The following CHN2 variants were observed in gnomAD, a reference collection of about 807,000 sequenced individuals.
CHN2 encodes beta-chimaerin.
CHN2 carries 35 observed loss-of-function variants against 56.3 expected under a neutral mutation model. The ratio of observed to expected loss-of-function variants is 0.62; its 90% confidence interval spans 0.47 to 0.82. CHN2 has a LOEUF of 0.82. Among genes scored for constraint, CHN2 ranks in the 40% least tolerant of loss-of-function variants. The pLI is 0.00. For missense variants in CHN2, 491 were observed against 580.5 expected (o/e 0.85, Z 1.58); for synonymous variants, 210 against 212.8 (o/e 0.99, Z 0.12).
intron 3 of CHN2, 113 bp from the exon 4 acceptor site, chr7:29,393,566 C>A (rs1217759543): frequency 1.0e-5 from 5 of 490,340 alleles, no homozygotes; most frequent in Non-Finnish European, 1.7e-5. Flanking sequence ...TTGGAGGATA[C>A]AATCTGTAAT....
intron 1 of CHN2, among the ~76,000 whole-genome samples, chr7:29,231,059 C>T (rs1786661506): frequency 6.6e-6 from 1 of 152,124 alleles, no homozygotes; most frequent in Non-Finnish European, 1.5e-5. Flanking sequence ...TTCCAGCATA[C>T]CAGACTGCAT....
intron 1 of CHN2, among the ~76,000 whole-genome samples, chr7:29,271,330 A>G (rs1790622728): frequency 6.6e-6 from 1 of 152,236 alleles, no homozygotes. Flanking sequence ...TTAGATAAAC[A>G]GGTAATGATT....
At chr7:29,394,304 T>C (rs12700959) in intron 4 of CHN2, among the ~76,000 whole-genome samples, 64,234 of 152,080 alleles carry the variant, frequency 0.42, 15,761 homozygotes, top group East Asian at 0.58. Flanking sequence ...ATAAAAATAA[T>C]TCGCAGTCTA....
At chr7:29,246,932 G>A (rs1788124807) in intron 1 of CHN2, among the ~76,000 whole-genome samples, 1 of 152,188 alleles carries the variant, frequency 6.6e-6, no homozygotes, top group African/African-American at 2.4e-5. Flanking sequence ...TACCTTGGGG[G>A]TTAGGATTTG....
intron 2 of CHN2, among the ~76,000 whole-genome samples, chr7:29,173,906 C>G (rs1796926801): frequency 6.7e-6 from 1 of 150,012 alleles, no homozygotes; most frequent in Admixed American, 6.6e-5. Context: ...GAGCTGAGAT[C>G]ACACCACTGC....
intron 10 of CHN2, among the ~76,000 whole-genome samples, chr7:29,505,043 C>T (rs1490658765): frequency 1.3e-5 from 2 of 152,164 alleles, no homozygotes; most frequent in African/African-American, 4.8e-5. Flanking sequence ...AGACAATCCA[C>T]ATGGCATTGG....
chr7:29,398,068 G>T (rs980900024), intron 4 of CHN2: 4 of 226,892 alleles, frequency 1.8e-5, no homozygotes, highest in African/African-American at 4.6e-5. Context: ...AGGGGGGGGG[G>T]GGGCGGTGGT....
chr7:29,480,057 C>T, intron 6 of CHN2: 1 of 1,543,832 alleles, frequency 6.5e-7, no homozygotes, highest in South Asian at 1.2e-5. Context: ...CCTGACAGCA[C>T]AGGGCTTCCT....
At chr7:29,356,935 C>T (rs1440028783) in intron 2 of CHN2, among the ~76,000 whole-genome samples, 1 of 152,304 alleles carries the variant, frequency 6.6e-6, no homozygotes, top group East Asian at 1.9e-4. Flanking sequence ...CATGGCCTTG[C>T]GTACATTAAC....
chr7:29,273,343 GTATATATA>G lies in CHN2; in HGVS notation c.49+78392_49+78399del, dbSNP rs55722880. Among the ~76,000 whole-genome samples the G allele has an allele frequency of 4.9e-3, 284 of 58,120 alleles. 2 individuals are homozygous for G. The highest frequency in any genetic ancestry group is 0.013 in the African/African-American group (195 of 15,552). The allele number at this position is 58,120 out of a possible 152,430, so 38.1% of individuals were successfully genotyped here. A position where few individuals can be genotyped will look rare whatever the true frequency, so the allele number is the denominator to read the frequency against. ...CCATCATGCATATATATATATATGT[GTATATATA>G]TATATATATATATATATATATATAT... On this transcript the variant is annotated intron_variant, in intron 1 of 12. Coordinates refer to ENST00000222792, the MANE Select transcript of CHN2 (RefSeq NM_004067.4).
intron 1 of CHN2, among the ~76,000 whole-genome samples, chr7:29,279,987 T>C (rs182523409): frequency 1.3e-5 from 2 of 152,046 alleles, no homozygotes; most frequent in South Asian, 2.1e-4. Flanking sequence ...GGTGAGAAAG[T>C]GGAAGCTAGA....
intron 3 of CHN2, among the ~76,000 whole-genome samples, chr7:29,371,645 A>C (rs1289556161): frequency 2.0e-5 from 3 of 152,068 alleles, no homozygotes; most frequent in Non-Finnish European, 4.4e-5. Context: ...GGGGCTCCAG[A>C]CACCTCTATC....
intron 6 of CHN2, among the ~76,000 whole-genome samples, chr7:29,474,814 G>T (rs1428611924): frequency 1.3e-5 from 2 of 152,188 alleles, no homozygotes; most frequent in Non-Finnish European, 2.9e-5. Flanking sequence ...GTTGTGGATT[G>T]GTGGCAAATC....
chr7:29,298,959 C>T (rs1314727258), intron 1 of CHN2, among the ~76,000 whole-genome samples: 1 of 152,118 alleles, frequency 6.6e-6, no homozygotes, highest in African/African-American at 2.4e-5. Flanking sequence ...TAAAGTGCAG[C>T]AAGGATAACT....
At chr7:29,313,324 G>A (rs1417892385) in intron 1 of CHN2, among the ~76,000 whole-genome samples, 1 of 152,176 alleles carries the variant, frequency 6.6e-6, no homozygotes, top group Non-Finnish European at 1.5e-5. Flanking sequence ...AAGGAGGACT[G>A]GGGGAGAAAT....
chr7:29,163,289 AT>A (rs1404831140), intron 2 of CHN2, among the ~76,000 whole-genome samples: 1 of 152,174 alleles, frequency 6.6e-6, no homozygotes, highest in African/African-American at 2.4e-5. Flanking sequence ...TATGAAAAAC[AT>A]TGTAAAATAC....
At chr7:29,411,731 C>T (rs187353677) in intron 6 of CHN2, among the ~76,000 whole-genome samples, 4 of 152,166 alleles carry the variant, frequency 2.6e-5, no homozygotes, top group East Asian at 1.9e-4. Context: ...TCCCGCCACC[C>T]GATAGAGCCT....
At chr7:29,216,992 C>T (rs575355049) in intron 1 of CHN2, among the ~76,000 whole-genome samples, 1 of 152,238 alleles carries the variant, frequency 6.6e-6, no homozygotes, top group Non-Finnish European at 1.5e-5. Context: ...ACTAACAGTA[C>T]TTATTAGGAG....
At chr7:29,154,254 G>A (rs918521659) in intron 2 of CHN2, among the ~76,000 whole-genome samples, 4 of 152,190 alleles carry the variant, frequency 2.6e-5, no homozygotes, top group African/African-American at 9.6e-5. Context: ...GCAGCTCTGA[G>A]TAAGTGAAGG....
Sources: gnomAD v4.1 joint callset for allele counts (sites outside exome capture counted in the v4.1 genomes callset) on GRCh38, gnomAD v4.1.1 for gene constraint, MANE v1.5 for transcripts, NCBI Gene and HGNC (gene_info 2026-07-23, HGNC 2026-07-21) for gene names.